HIVEP3: variants seen among roughly 807,000 people sequenced by gnomAD.
HIVEP3 encodes transcription factor HIVEP3.
Under a neutral mutation model 152.8 loss-of-function variants are expected in HIVEP3, and 49 were observed. The observed-to-expected ratio is 0.32, with a 90% CI of 0.26 to 0.41. The LOEUF is 0.41. HIVEP3 is among the 10% of genes least tolerant of loss of function. The pLI is 1.00. For missense variants in HIVEP3, 2,790 were observed against 3,103.3 expected, an observed-to-expected ratio of 0.90 and a Z score of 2.40; for synonymous variants, 1,269 against 1,289.0, an observed-to-expected ratio of 0.98 and a Z score of 0.33.
intron 1 of HIVEP3, among the ~76,000 whole-genome samples, chr1:41,831,750 G>C (rs1366096083): frequency 6.6e-6 from 1 of 152,214 alleles, no homozygotes; most frequent in African/African-American, 2.4e-5. Flanking sequence ...TGTGCACCAG[G>C]CATGAGTCTG....
rs781186682 is a variant in HIVEP3, at chr1:41,513,613, TCTC to T, written c.5605_5607del (p.Glu1869del). The T allele has an allele frequency of 2.9e-5, 46 of 1,613,812 alleles. No homozygotes were observed. The Admixed American group carries it at 3.8e-4, about 13-fold the overall frequency. ...GATGGTCTGGACAGCTCATCCTGGC[TCTC>T]CTCCTCATCCTCATCCTCGTCTTCG... On this transcript the variant is annotated inframe_deletion, in exon 8 of 9. Transcript: ENST00000372583.
chr1:41,641,328 C>T lies in HIVEP3; in HGVS notation c.-720-12381G>A, dbSNP rs189351806. ...TGGAGGCAGAATTGCTTTCTGCCCACACGACAGCTGCCCCCTTAGCTAAGA... is the reference window on the plus strand; with the variant it reads ...TGGAGGCAGAATTGCTTTCTGCCCATACGACAGCTGCCCCCTTAGCTAAGA... On this transcript the variant is annotated intron_variant, in intron 2 of 8. Coordinates refer to ENST00000372583, the MANE Select transcript of HIVEP3 (RefSeq NM_024503.5). 2.6e-5 allele frequency among the ~76,000 whole-genome samples: 4 copies of T among 152,308 alleles called. No individual in the cohort carries two copies. The East Asian group carries it at 7.7e-4, about 29-fold the overall frequency.
At chr1:42,032,829 A>T (rs2124541814) in intron 1 of HIVEP3, among the ~76,000 whole-genome samples, 1 of 152,108 alleles carries the variant, frequency 6.6e-6, no homozygotes, top group East Asian at 1.9e-4. Context: ...CGGCCTCCTA[A>T]CTGGTCTCCC....
At chr1:41,694,625 G>A (rs186920350) in intron 2 of HIVEP3, among the ~76,000 whole-genome samples, 1 of 152,286 alleles carries the variant, frequency 6.6e-6, no homozygotes, top group East Asian at 1.9e-4. Context: ...CTCACTACTA[G>A]ACTGCGTGTC....
intron 1 of HIVEP3, among the ~76,000 whole-genome samples, chr1:41,800,885 C>T (rs1179381292): frequency 6.6e-6 from 1 of 152,186 alleles, no homozygotes; most frequent in African/African-American, 2.4e-5. Context: ...GGGCCTATTA[C>T]CCTGAGACAA....
At chr1:41,841,520 C>G (rs893416877) in intron 1 of HIVEP3, among the ~76,000 whole-genome samples, 1 of 152,074 alleles carries the variant, frequency 6.6e-6, no homozygotes, top group African/African-American at 2.4e-5. Flanking sequence ...CAGGAACAGC[C>G]CTATTTATTT....
intron 1 of HIVEP3, among the ~76,000 whole-genome samples, chr1:41,769,683 A>G (rs553150385): frequency 6.6e-6 from 1 of 152,376 alleles, no homozygotes; most frequent in African/African-American, 2.4e-5. Flanking sequence ...AAAACATCCA[A>G]TGACTGATAT....
intron 3 of HIVEP3, among the ~76,000 whole-genome samples, chr1:41,611,195 C>G (rs76699758): frequency 6.6e-6 from 1 of 152,194 alleles, no homozygotes; most frequent in African/African-American, 2.4e-5. Flanking sequence ...GATGAATAAA[C>G]AAACGCTAAG....
intron 1 of HIVEP3, among the ~76,000 whole-genome samples, chr1:41,945,807 T>G (rs1645071657): frequency 6.6e-6 from 1 of 152,168 alleles, no homozygotes; most frequent in Non-Finnish European, 1.5e-5. Context: ...CTGGAGAGAC[T>G]AAGGGAGGCA....
intron 2 of HIVEP3, among the ~76,000 whole-genome samples, chr1:41,640,373 T>G (rs1376306565): frequency 6.6e-6 from 1 of 152,044 alleles, no homozygotes; most frequent in Non-Finnish European, 1.5e-5. Flanking sequence ...GAAAGCCCCC[T>G]GGAACTAGGC....
chr1:41,584,193 G>A lies in HIVEP3; in HGVS notation c.605C>T (p.Ala202Val). The A allele has an allele frequency of 6.2e-7, 1 of 1,614,196 alleles. No homozygotes were observed. Among genetic ancestry groups the A allele is most frequent in the Non-Finnish European group, 8.5e-7 (1 of 1,180,050 alleles). Residue 202 changes from alanine to valine, a missense_variant, in exon 4 of 9, where the codon GCC (alanine) becomes GTC (valine). This residue lies in a region of HIVEP3 where 25 missense variants were observed against 75.9 expected (regional missense o/e 0.33). Transcript: ENST00000372583. This position sits in a 1 kb window ranked among gnomAD's most constrained non-coding sequence, Gnocchi z 5.2. ...GTGCTTCTGGAGCACGCTGGGCTTGGCACAGGGCCGGCTGCAGTACTGGCA... is the reference window on the plus strand; with the variant it reads ...GTGCTTCTGGAGCACGCTGGGCTTGACACAGGGCCGGCTGCAGTACTGGCA... ...YICQYCSRPC[A>V]KPSVLQKHIR...
chr1:41,846,822 T>C (rs1425209078), intron 1 of HIVEP3, among the ~76,000 whole-genome samples: 1 of 152,200 alleles, frequency 6.6e-6, no homozygotes, highest in Non-Finnish European at 1.5e-5. Context: ...GGCTCCTCCA[T>C]AGATGGGTAA....
At chr1:41,915,086 C>T (rs1644850830) in intron 1 of HIVEP3, among the ~76,000 whole-genome samples, 1 of 152,008 alleles carries the variant, frequency 6.6e-6, no homozygotes, top group Non-Finnish European at 1.5e-5. Context: ...CCAGAAACCT[C>T]ACAGGTGCCA....
At position 41,583,048 on chromosome 1, in the gene HIVEP3, G is replaced by C; in HGVS notation, c.1750C>G (p.Pro584Ala). The change falls in exon 4 of 9, where the codon CCC (proline) becomes GCC (alanine). Residue 584 changes from proline (P) to alanine (A), a missense_variant. By Grantham distance (27) the Pro-to-Ala change is conservative (BLOSUM62 -1). Around this residue, in one of 9 missense-constraint regions of HIVEP3, gnomAD observed 339 missense variants for 327.0 expected, o/e 1.04. Coordinates refer to ENST00000372583, the MANE Select transcript of HIVEP3 (RefSeq NM_024503.5). This position sits in a 1 kb window ranked among gnomAD's most constrained non-coding sequence, Gnocchi z 6.9. ...SHSSHVFTSH[P>A]RMLKRQPAIE... is the part of the protein sequence containing the mutation. The stretch of plus-strand genomic sequence containing the variant: ...GCCGGCTGGCGCTTCAGCATCCGGG[G>C]GTGGGAGGTAAACACGTGACTGCTG... 6.2e-7 allele frequency: 1 copy of C among 1,613,884 alleles called. No individual in the cohort carries two copies.
At chr1:41,926,084 C>G (rs1395203369) in intron 1 of HIVEP3, among the ~76,000 whole-genome samples, 1 of 152,158 alleles carries the variant, frequency 6.6e-6, no homozygotes, top group Admixed American at 6.5e-5. Context: ...GATCCTATCC[C>G]TGGTGCTGCC....
chr1:41,765,395 G>A (rs756636085), intron 1 of HIVEP3, among the ~76,000 whole-genome samples: 4 of 152,076 alleles, frequency 2.6e-5, no homozygotes, highest in South Asian at 2.1e-4. Flanking sequence ...GTTTAACCCC[G>A]ATGTGTCCTG....
intron 1 of HIVEP3, among the ~76,000 whole-genome samples, chr1:41,969,008 T>G (rs1398136730): frequency 6.6e-6 from 1 of 152,044 alleles, no homozygotes; most frequent in Non-Finnish European, 1.5e-5. Context: ...AAAAGGGAAG[T>G]GAAGGACCTC....
chr1:41,966,475 C>CTTTTTTTTTTTTT (rs58470482), intron 1 of HIVEP3, among the ~76,000 whole-genome samples: 10,967 of 95,146 alleles, frequency 0.12, 2,695 homozygotes, highest in South Asian at 0.19. Flanking sequence ...GTGCTGTATT[C>CTTTTTTTTTTTTT]TTTTTTTTTT....
intron 3 of HIVEP3, 73 bp downstream of exon 3, chr1:41,628,676 C>T: frequency 9.2e-7 from 1 of 1,086,326 alleles, no homozygotes. Context: ...AGAGGAAGAA[C>T]TAAGCAAGCT....
Sources: allele counts gnomAD v4.1 joint callset (sites outside exome capture counted in the v4.1 genomes callset), GRCh38; gene constraint gnomAD v4.1.1; regional missense constraint gnomAD v4.1.1; non-coding constraint Gnocchi (gnomAD v3.1); transcripts MANE v1.5; gene names NCBI Gene and HGNC (gene_info 2026-07-23, HGNC 2026-07-21).